The following PUM1 variants were observed in gnomAD, a reference collection of about 807,000 sequenced individuals.
PUM1 encodes pumilio RNA binding family member 1, also known as pumilio homolog 1.
Under a neutral mutation model 131.8 loss-of-function variants are expected in PUM1, and 13 were observed. The observed-to-expected ratio is 0.10, with a 90% CI of 0.06 to 0.16. PUM1 has a LOEUF of 0.16. Ranked by LOEUF, PUM1 falls within the 10% of genes least tolerant of loss-of-function variation. The pLI is 1.00. For synonymous variants in PUM1, 509 were observed against 556.5 expected, an observed-to-expected ratio of 0.91 and a Z score of 1.20; for missense variants, 961 against 1,512.4, an observed-to-expected ratio of 0.64 and a Z score of 6.05.
At chr1:30,939,492 G>C (rs1639357636) in intron 20 of PUM1, among the ~76,000 whole-genome samples, 1 of 152,202 alleles carries the variant, frequency 6.6e-6, no homozygotes, top group Admixed American at 6.5e-5. Flanking sequence ...GCATGGAAAA[G>C]ACTGGGAAGT....
chr1:30,945,295 C>G (rs772883381), intron 18 of PUM1, 51 bp downstream of exon 18: 1 of 1,594,720 alleles, frequency 6.3e-7, no homozygotes, highest in Non-Finnish European at 8.6e-7. Flanking sequence ...CTGTTTTCTG[C>G]TCACAAAGGA....
intron 2 of PUM1, among the ~76,000 whole-genome samples, chr1:31,047,734 C>G (rs7536143): frequency 0.29 from 43,589 of 152,054 alleles, 8,121 homozygotes; most frequent in East Asian, 0.53. Context: ...CCTGAGGTCA[C>G]GTGTTCGAGA....
rs1204734884 is a variant in PUM1 at position 30,933,124 on chromosome 1, T to TA, written c.*86dup. ...GCAACCACTTGCCCGTCTCAGACTC[T>TA]ACACTAGAACATTTCTGGTTGCTGG... On this transcript the variant is annotated 3_prime_UTR_variant, in exon 22 of 22. Transcript: ENST00000426105. 6.7e-7 allele frequency: 1 copy of TA among 1,488,646 alleles called. No individual in the cohort carries two copies. Among genetic ancestry groups the TA allele is most frequent in the Admixed American group, 2.2e-5 (1 of 46,212 alleles). 92.2% of individuals were successfully genotyped at this position (1,488,646 alleles called of 1,614,324 possible). A position where few individuals can be genotyped will look rare whatever the true frequency, so the allele number is the denominator to read the frequency against.
intron 2 of PUM1, among the ~76,000 whole-genome samples, chr1:31,057,984 A>T (rs185649969): frequency 1.3e-5 from 2 of 152,342 alleles, no homozygotes; most frequent in African/African-American, 4.8e-5. Context: ...GTTGGTCATT[A>T]TCAAGAAATC....
chr1:30,974,666 C>T lies in PUM1; in HGVS notation c.1491G>A (p.Gln497=). 1.2e-6 allele frequency: 2 copies of T among 1,607,986 alleles called. No homozygotes were observed. Among genetic ancestry groups the T allele is most frequent in the East Asian group, 2.2e-5 (1 of 44,830 alleles). Residue 497 remains glutamine (Q), a synonymous_variant, in exon 10 of 22, where the codon CAG becomes CAA. Transcript: ENST00000426105. ...CTACATTTACCTGCTGCTGTCCTTGCTGAGCCTGTGGGGTGGTCTGTTGAT... is the reference window on the plus strand; with the variant it reads ...CTACATTTACCTGCTGCTGTCCTTGTTGAGCCTGTGGGGTGGTCTGTTGAT... ...SANQQTTPQA[Q]QGQQQVLRGG... is the part of the protein sequence containing the mutation.
At chr1:30,950,074 T>C in intron 17 of PUM1, 53 bp downstream of exon 17, 13 of 1,581,184 alleles carry the variant, frequency 8.2e-6, no homozygotes, top group Non-Finnish European at 1.1e-5. Flanking sequence ...GTTCACTACA[T>C]GTACCATGGA....
At chr1:31,044,359 G>C (rs992291294) in intron 2 of PUM1, among the ~76,000 whole-genome samples, 1 of 152,222 alleles carries the variant, frequency 6.6e-6, no homozygotes, top group East Asian at 1.9e-4. Context: ...CTGAGATCGT[G>C]CCACTGCACT....
At chr1:31,056,893 A>T (rs1486313274) in intron 2 of PUM1, among the ~76,000 whole-genome samples, 1 of 151,900 alleles carries the variant, frequency 6.6e-6, no homozygotes, top group Non-Finnish European at 1.5e-5. Context: ...CCCAGGTTCA[A>T]GTGACTCTCC....
At chr1:31,013,138 G>C (rs539503197) in intron 3 of PUM1, among the ~76,000 whole-genome samples, 12 of 152,238 alleles carry the variant, frequency 7.9e-5, no homozygotes, top group Non-Finnish European at 1.5e-4. Flanking sequence ...AGTGATCATG[G>C]CATCACCTAG....
At chr1:30,992,342 T>C in intron 7 of PUM1, 48 bp downstream of exon 7, 2 of 1,583,422 alleles carry the variant, frequency 1.3e-6, no homozygotes, top group Admixed American at 1.7e-5. Context: ...TTGAACAACG[T>C]GCTGGCTGGA....
At chr1:31,041,890 A>G (rs1490191600) in intron 2 of PUM1, among the ~76,000 whole-genome samples, 1 of 152,216 alleles carries the variant, frequency 6.6e-6, no homozygotes, top group Admixed American at 6.5e-5. Context: ...TGAGAAAGAT[A>G]AAAATGTGCA....
chr1:31,024,831 C>G (rs1360194786), intron 3 of PUM1, among the ~76,000 whole-genome samples: 1 of 152,184 alleles, frequency 6.6e-6, no homozygotes, highest in Non-Finnish European at 1.5e-5. Flanking sequence ...GTGGAGCAAA[C>G]AGGTTATGCA....
chr1:30,971,233 G>A (rs567175695), intron 10 of PUM1, among the ~76,000 whole-genome samples: 1 of 152,036 alleles, frequency 6.6e-6, no homozygotes, highest in Non-Finnish European at 1.5e-5. Context: ...AAAATACAAG[G>A]GCCCAAAAGG....
At chr1:30,942,229 A>ATG (rs1639480633) in intron 18 of PUM1, 106 bp from the exon 19 acceptor site, 1 of 149,798 alleles carries the variant, frequency 6.7e-6, no homozygotes, top group African/African-American at 3.4e-5. Context: ...ATATATATAT[A>ATG]TATATATGTA....
At position 30,966,021 on chromosome 1, in the gene PUM1, C is replaced by A. The variant is rs368549005; in HGVS notation, c.2047G>T (p.Ala683Ser). 4.3e-6 allele frequency: 7 copies of A among 1,613,938 alleles called. No individual in the cohort carries two copies. Among genetic ancestry groups the A allele is most frequent in the Non-Finnish European group, 5.9e-6 (7 of 1,179,972 alleles). ...CCTCCAAGGGCGGATCCCAGGGTGG[C>A]GCCGAGAGAACTGCTACTTCCGAAT... ...LGFGSSSSLG[A>S]TLGSALGGFG... is the part of the protein sequence containing the mutation. Residue 683 changes from alanine (A) to serine (S), a missense_variant, in exon 13 of 22, where the codon GCC (alanine) becomes TCC (serine). Physicochemically the swap from Ala to Ser is moderately conservative, Grantham distance 99. Transcript: ENST00000426105.
intron 21 of PUM1, among the ~76,000 whole-genome samples, chr1:30,934,188 C>T (rs1639100621): frequency 1.3e-5 from 2 of 152,204 alleles, no homozygotes; most frequent in African/African-American, 2.4e-5. Context: ...TTGAGAGGTG[C>T]TTCTTCTCTG....
At chr1:31,051,771 C>T (rs540707248) in intron 2 of PUM1, among the ~76,000 whole-genome samples, 5 of 152,272 alleles carry the variant, frequency 3.3e-5, no homozygotes, top group Non-Finnish European at 5.9e-5. Context: ...AAGCTTCTAC[C>T]TCTGTCCCTC....
At chr1:30,952,460 A>G in intron 15 of PUM1, 97 bp from the exon 16 acceptor site, 1 of 1,575,106 alleles carries the variant, frequency 6.3e-7, no homozygotes, top group East Asian at 2.3e-5. Context: ...GTTCTGAAAC[A>G]TGTGAGTGAG....
At chr1:30,969,819 C>G (rs903681872) in intron 10 of PUM1, among the ~76,000 whole-genome samples, 1 of 152,120 alleles carries the variant, frequency 6.6e-6, no homozygotes, top group Non-Finnish European at 1.5e-5. Flanking sequence ...TGCACCACCA[C>G]ACCTGGCTAA....
Sources: allele counts gnomAD v4.1 joint callset (sites outside exome capture counted in the v4.1 genomes callset), GRCh38; gene constraint gnomAD v4.1.1; transcripts MANE v1.5; gene names NCBI Gene and HGNC (gene_info 2026-07-23, HGNC 2026-07-21).